TMEM181: variants seen among roughly 807,000 people sequenced by gnomAD.
The protein encoded by TMEM181 is G protein-coupled receptor 178.
In TMEM181, 39 loss-of-function variants were observed where a neutral mutation model predicts 71.9. The ratio of observed to expected loss-of-function variants is 0.54; its 90% CI spans 0.42 to 0.71. The LOEUF (loss-of-function observed/expected upper bound fraction) is 0.71. Among genes scored for constraint, TMEM181 ranks in the 30% least tolerant of loss-of-function variants. TMEM181 has a pLI of 0.00. For missense variants in TMEM181, 595 were observed against 583.0 expected (o/e 1.02, Z -0.21); for synonymous variants, 245 against 228.8 (o/e 1.07, Z -0.64).
At chr6:158,545,538 T>G (rs1047307663) in intron 1 of TMEM181, among the ~76,000 whole-genome samples, 1 of 152,250 alleles carries the variant, frequency 6.6e-6, no homozygotes, top group Non-Finnish European at 1.5e-5. Context: ...TGCTGTGGGA[T>G]GCAGGGGCAC....
chr6:158,619,779 G>C (rs1193279780), intron 10 of TMEM181, among the ~76,000 whole-genome samples: 1 of 148,676 alleles, frequency 6.7e-6, no homozygotes, highest in East Asian at 2.0e-4. Flanking sequence ...TGAGGCAGGA[G>C]AATTACTTGC....
At chr6:158,555,787 A>C (rs1051307763), upstream of TMEM181, among the ~76,000 whole-genome samples, 3 of 152,224 alleles carry the variant, frequency 2.0e-5, no homozygotes, top group Non-Finnish European at 2.9e-5. Flanking sequence ...AAATTCTGTC[A>C]GCGAATGTCA....
chr6:158,615,984 T>C (rs1785589553), intron 10 of TMEM181, among the ~76,000 whole-genome samples: 2 of 151,762 alleles, frequency 1.3e-5, no homozygotes, highest in Admixed American at 1.3e-4. Flanking sequence ...TTTGGCTCCA[T>C]ATAAACTTTA....
intron 10 of TMEM181, among the ~76,000 whole-genome samples, chr6:158,611,949 C>A (rs973299013): frequency 6.7e-6 from 1 of 148,898 alleles, no homozygotes; most frequent in Non-Finnish European, 1.5e-5. Flanking sequence ...TGTCTGTTCC[C>A]ATACAACTCC....
At chr6:158,585,061 G>A (rs1203992019) in intron 4 of TMEM181, among the ~76,000 whole-genome samples, 2 of 152,158 alleles carry the variant, frequency 1.3e-5, no homozygotes, top group African/African-American at 4.8e-5. Flanking sequence ...TGTGTGTGAA[G>A]TGAAACTGAT....
At chr6:158,606,621 A>T (rs573401492) in intron 7 of TMEM181, among the ~76,000 whole-genome samples, 1 of 152,264 alleles carries the variant, frequency 6.6e-6, no homozygotes, top group Non-Finnish European at 1.5e-5. Flanking sequence ...TGGCCTAAAA[A>T]TTATGTTATA....
intron 6 of TMEM181, among the ~76,000 whole-genome samples, chr6:158,594,244 G>A (rs1278997575): frequency 1.3e-5 from 2 of 151,752 alleles, no homozygotes; most frequent in Non-Finnish European, 2.9e-5. Flanking sequence ...GATTACAGGT[G>A]CGCACCACTA....
chr6:158,619,649 T>C (rs1386672579), intron 10 of TMEM181, among the ~76,000 whole-genome samples: 1 of 152,064 alleles, frequency 6.6e-6, no homozygotes, highest in African/African-American at 2.4e-5. Flanking sequence ...TGCAGGCCGA[T>C]CATGAGGTTA....
At position 158,608,455 on chromosome 6, in the gene TMEM181, C is replaced by T. The variant is rs117665206; in HGVS notation, c.796C>T (p.Arg266Cys). The T allele has an allele frequency of 6.9e-3, 11,137 of 1,614,146 alleles. 58 individuals carry two copies. Among genetic ancestry groups the T allele is most frequent in the Non-Finnish European group, 7.2e-3 (8,554 of 1,180,018 alleles). ...LFWLCVYHGI[R>C]VQGERKCLTF... ...CTGGCTGTGCGTGTACCACGGGATT[C>T]GTGTCCAGGTGAGCCGGAGCCGCCC... The change falls in exon 9 of 17, where the codon CGT (arginine) becomes TGT (cysteine). Residue 266 changes from arginine (R) to cysteine (C), a missense_variant. Transcript: ENST00000684151.
At chr6:158,590,708 C>A (rs1021797568) in intron 6 of TMEM181, among the ~76,000 whole-genome samples, 2 of 151,906 alleles carry the variant, frequency 1.3e-5, no homozygotes, top group African/African-American at 4.8e-5. Flanking sequence ...GTGATCCGCC[C>A]ACCTTGGCCT....
chr6:158,594,880 G>A (rs898845958), intron 6 of TMEM181, among the ~76,000 whole-genome samples: 2 of 152,106 alleles, frequency 1.3e-5, no homozygotes, highest in East Asian at 1.9e-4. Context: ...TAGAGACGAG[G>A]TTTCACCATG....
intron 10 of TMEM181, chr6:158,610,312 C>G (rs1785222623): frequency 3.4e-6 from 1 of 292,280 alleles, no homozygotes; most frequent in Non-Finnish European, 6.9e-6. Flanking sequence ...AAAGGCCCCC[C>G]AGACCAGATT....
At chr6:158,600,865 T>G (rs1235179911) in intron 6 of TMEM181, among the ~76,000 whole-genome samples, 2 of 152,148 alleles carry the variant, frequency 1.3e-5, no homozygotes, top group Non-Finnish European at 2.9e-5. Flanking sequence ...AGTCTGAGAT[T>G]ATTTTCTTTC....
chr6:158,595,945 G>A (rs1418394153), intron 6 of TMEM181, among the ~76,000 whole-genome samples: 5 of 151,558 alleles, frequency 3.3e-5, no homozygotes, highest in Admixed American at 6.6e-5. Flanking sequence ...TTTTTGAGAC[G>A]GAGTCTTGCT....
At chr6:158,571,245 C>T (rs990468285) in intron 1 of TMEM181, among the ~76,000 whole-genome samples, 4 of 152,046 alleles carry the variant, frequency 2.6e-5, no homozygotes, top group Admixed American at 1.3e-4. Flanking sequence ...TGCAGGCACC[C>T]GCCACCGCGC....
intron 1 of TMEM181, among the ~76,000 whole-genome samples, chr6:158,569,994 A>C (rs1207148515): frequency 6.6e-6 from 1 of 152,134 alleles, no homozygotes; most frequent in Non-Finnish European, 1.5e-5. Flanking sequence ...TGTGTTTTTG[A>C]AATCAAGATT....
intron 13 of TMEM181, chr6:158,626,672 G>T: frequency 4.4e-6 from 2 of 457,340 alleles, no homozygotes; most frequent in South Asian, 1.5e-5. Context: ...GAATAATGCT[G>T]CATGTGTGTT....
At chr6:158,536,645 C>T (rs1465284579) in exon 1 of TMEM181, 2 of 1,470,390 alleles carry the variant, frequency 1.4e-6, no homozygotes, top group Non-Finnish European at 1.8e-6. Flanking sequence ...GCGCCAGCAG[C>T]CCGATCCCCA....
intron 10 of TMEM181, chr6:158,611,365 G>A (rs374393823): frequency 3.6e-5 from 19 of 529,574 alleles, no homozygotes; most frequent in East Asian, 1.1e-4. Context: ...CTTCCTTTTC[G>A]GCATTGATTT....
Sources: allele counts gnomAD v4.1 joint callset (sites outside exome capture counted in the v4.1 genomes callset), GRCh38; gene constraint gnomAD v4.1.1; transcripts MANE v1.5; gene names NCBI Gene and HGNC (gene_info 2026-07-23, HGNC 2026-07-21).